Variants in BRINP3 observed in about 807,000 individuals in gnomAD.
BRINP3 encodes BMP/retinoic acid-inducible neural-specific protein 3.
BRINP3 carries 19 observed loss-of-function variants against 71.0 expected under a neutral mutation model. The ratio of observed to expected loss-of-function variants is 0.27; its 90% CI spans 0.19 to 0.39. The LOEUF (loss-of-function observed/expected upper bound fraction) is 0.39. Among genes scored for constraint, BRINP3 ranks in the 10% least tolerant of loss-of-function variants. The probability of loss-of-function intolerance (pLI) is 1.00; values close to 1 mark genes in which losing one functional copy is unlikely to be tolerated. For missense variants in BRINP3, 959 were observed against 940.8 expected (o/e 1.02, Z -0.25); for synonymous variants, 380 against 337.7 (o/e 1.13, Z -1.37).
At chr1:190,347,273 T>C (rs1161700809) in intron 2 of BRINP3, among the ~76,000 whole-genome samples, 1 of 152,104 alleles carries the variant, frequency 6.6e-6, no homozygotes, top group Non-Finnish European at 1.5e-5. Flanking sequence ...CCCCAGTAGC[T>C]GGGACTTCAG....
At chr1:190,202,795 T>G (rs1655121922) in intron 6 of BRINP3, among the ~76,000 whole-genome samples, 1 of 152,128 alleles carries the variant, frequency 6.6e-6, no homozygotes, top group Non-Finnish European at 1.5e-5. Context: ...CCGCCATGAT[T>G]GTGAGGCCTC....
At chr1:190,387,148 AT>A (rs1416944077) in intron 2 of BRINP3, among the ~76,000 whole-genome samples, 5 of 151,982 alleles carry the variant, frequency 3.3e-5, no homozygotes, top group African/African-American at 9.7e-5. Context: ...CATCACTATT[AT>A]ATCTTATTGC....
rs141863777 is a variant in BRINP3 at position 190,278,988 on chromosome 1, A to G, written c.427+2572T>C. 3.0e-3 allele frequency among the ~76,000 whole-genome samples: 454 copies of G among 151,900 alleles called. 3 individuals carry two copies. Among genetic ancestry groups the G allele is most frequent in the Non-Finnish European group, 4.5e-3 (303 of 67,818 alleles). ...TTGGAACTAAGGAACAAGAATGTCTATGGAACCATTGGTGTTTTTGATCTC... is the reference window on the plus strand; with the variant it reads ...TTGGAACTAAGGAACAAGAATGTCTGTGGAACCATTGGTGTTTTTGATCTC... On this transcript the variant is annotated intron_variant, in intron 3 of 7. Transcript: ENST00000367462.
chr1:190,098,041 C>T lies in BRINP3; in HGVS notation c.2278G>A (p.Asp760Asn). Residue 760 changes from aspartate to asparagine, a missense_variant, in exon 8 of 8, where the codon GAC (aspartate) becomes AAC (asparagine). Physicochemically the swap from Asp to Asn is conservative, Grantham distance 23 (BLOSUM62 1). Transcript: ENST00000367462. ...NAKLPNTMDY[D>N]TTKLCS ...GGTTAACTACATAATTTGGTCGTGT[C>T]ATAATCCATTGTGTTTGGCAATTTG... 1 of 1,612,244 alleles carries T rather than the reference C, an allele frequency of 6.2e-7. No homozygotes were observed. The highest frequency in any genetic ancestry group is 1.1e-5 in the South Asian group (1 of 90,820).
intron 4 of BRINP3, among the ~76,000 whole-genome samples, chr1:190,244,338 C>G (rs1659383130): frequency 6.6e-6 from 1 of 152,016 alleles, no homozygotes; most frequent in African/African-American, 2.4e-5. Flanking sequence ...TTCCTACTTC[C>G]TACTCTATAA....
At chr1:190,386,371 A>G (rs1670908259) in intron 2 of BRINP3, among the ~76,000 whole-genome samples, 3 of 151,900 alleles carry the variant, frequency 2.0e-5, no homozygotes, top group East Asian at 1.9e-4. Flanking sequence ...ACTGTTTTTC[A>G]TCTGTTTTTA....
chr1:190,451,470 C>A (rs961664425), intron 2 of BRINP3, among the ~76,000 whole-genome samples: 1 of 152,138 alleles, frequency 6.6e-6, no homozygotes, highest in Non-Finnish European at 1.5e-5. Flanking sequence ...AAACACAAGG[C>A]TCCAGCTTAC....
At chr1:190,469,471 A>G (rs188285469) in intron 1 of BRINP3, among the ~76,000 whole-genome samples, 112 of 151,198 alleles carry the variant, frequency 7.4e-4, no homozygotes, top group Non-Finnish European at 1.3e-3. Flanking sequence ...ATCTTAAAAT[A>G]GTATTTTGTG....
intron 2 of BRINP3, among the ~76,000 whole-genome samples, chr1:190,424,786 G>T (rs1043922321): frequency 2.0e-5 from 3 of 151,662 alleles, no homozygotes; most frequent in Non-Finnish European, 4.4e-5. Flanking sequence ...ACTAAATCTA[G>T]AAGTCTCTGA....
At chr1:190,339,049 T>TAAAA (rs1249090710) in intron 2 of BRINP3, among the ~76,000 whole-genome samples, 27 of 140,942 alleles carry the variant, frequency 1.9e-4, no homozygotes, top group African/African-American at 6.5e-4. Context: ...AATAAATAAA[T>TAAAA]AAAACAATCT....
chr1:190,124,141 C>T (rs1303999665), intron 7 of BRINP3, among the ~76,000 whole-genome samples: 1 of 152,142 alleles, frequency 6.6e-6, no homozygotes, highest in Non-Finnish European at 1.5e-5. Context: ...CAGGGCTCTG[C>T]CCTTGTAAAC....
At chr1:190,334,779 G>A (rs1667182579) in intron 2 of BRINP3, among the ~76,000 whole-genome samples, 1 of 151,740 alleles carries the variant, frequency 6.6e-6, no homozygotes, top group African/African-American at 2.4e-5. Flanking sequence ...GAAATAATAA[G>A]GTGAAAATGC....
At chr1:190,154,061 GT>G (rs1198530888) in intron 7 of BRINP3, 1 of 962,900 alleles carries the variant, frequency 1.0e-6, no homozygotes, top group African/African-American at 1.8e-5. Context: ...TTCTTCACAA[GT>G]TTTTTCAGTT....
chr1:190,104,374 G>A (rs1304112086), intron 7 of BRINP3, among the ~76,000 whole-genome samples: 3 of 152,046 alleles, frequency 2.0e-5, no homozygotes, highest in Admixed American at 2.0e-4. Flanking sequence ...TGCAGGTAAA[G>A]CATTTAAAAG....
chr1:190,137,113 G>A (rs1024121404), intron 7 of BRINP3, among the ~76,000 whole-genome samples: 6 of 151,992 alleles, frequency 3.9e-5, no homozygotes, highest in Admixed American at 2.0e-4. Context: ...AAAGAACCAT[G>A]ATTTGAACAT....
intron 2 of BRINP3, among the ~76,000 whole-genome samples, chr1:190,428,790 T>C (rs938567135): frequency 3.3e-5 from 5 of 152,056 alleles, no homozygotes; most frequent in African/African-American, 1.2e-4. Context: ...ATATGTACAA[T>C]GATTATGGGT....
At chr1:190,217,910 T>A (rs1196327409) in intron 6 of BRINP3, among the ~76,000 whole-genome samples, 9 of 152,070 alleles carry the variant, frequency 5.9e-5, no homozygotes, top group Admixed American at 5.9e-4. Flanking sequence ...TCAATGAATG[T>A]TCCAGATCAA....
intron 4 of BRINP3, among the ~76,000 whole-genome samples, chr1:190,260,544 A>T (rs1661096505): frequency 6.6e-6 from 1 of 151,962 alleles, no homozygotes; most frequent in African/African-American, 2.4e-5. Context: ...AGTTTTAAAA[A>T]CATATATATA....
At position 190,368,732 on chromosome 1, in the gene BRINP3, A is replaced by G. The variant is rs190574239; in HGVS notation, c.236+85923T>C. Among the ~76,000 whole-genome samples, 38 of 152,222 alleles carry G rather than the reference A, an allele frequency of 2.5e-4. 1 individual carries two copies. The East Asian group carries it at 6.6e-3, about 26-fold the overall frequency. On this transcript the variant is annotated intron_variant, in intron 2 of 7. Coordinates refer to ENST00000367462, the MANE Select transcript of BRINP3 (RefSeq NM_199051.3). ...CACCCCAGCACGTGGACCCATTTAG[A>G]TTAAGTAAATTTCCTCGGGCTCCAG...
Sources: gnomAD v4.1 joint callset for allele counts (sites outside exome capture counted in the v4.1 genomes callset) on GRCh38, gnomAD v4.1.1 for gene constraint, MANE v1.5 for transcripts, NCBI Gene and HGNC (gene_info 2026-07-23, HGNC 2026-07-21) for gene names.